The following APBA2 variants were observed in gnomAD, a reference collection of about 807,000 sequenced individuals.
APBA2 encodes the protein amyloid beta precursor protein binding family A member 2.
A neutral mutation model predicts 75.0 loss-of-function variants in APBA2; 30 were observed. The ratio of observed to expected loss-of-function variants is 0.40; its 90% CI spans 0.30 to 0.54. APBA2 has a LOEUF of 0.54. APBA2 is among the 20% of genes least tolerant of loss of function. The pLI is 0.49. For missense variants in APBA2, 801 were observed against 1,016.1 expected (o/e 0.79, Z 2.88); for synonymous variants, 444 against 409.6 (o/e 1.08, Z -1.01).
chr15:28,940,737 G>T (rs1029787864), intron 2 of APBA2, among the ~76,000 whole-genome samples: 2 of 152,164 alleles, frequency 1.3e-5, no homozygotes, highest in Admixed American at 6.5e-5. Context: ...GCTGAAAGAA[G>T]CTGAGACTAC....
At chr15:28,960,349 A>C (rs1020530606) in intron 2 of APBA2, among the ~76,000 whole-genome samples, 1 of 151,654 alleles carries the variant, frequency 6.6e-6, no homozygotes, top group African/African-American at 2.4e-5. Flanking sequence ...CTGTAGTCCC[A>C]GCTACTTAGA....
At chr15:28,986,011 CA>C (rs1256965518) in intron 2 of APBA2, among the ~76,000 whole-genome samples, 1 of 152,184 alleles carries the variant, frequency 6.6e-6, no homozygotes, top group African/African-American at 2.4e-5. Context: ...CCCTGCCTCT[CA>C]GGCACAAGCA....
intron 1 of APBA2, among the ~76,000 whole-genome samples, chr15:28,912,760 A>G (rs1167434323): frequency 6.6e-6 from 1 of 152,224 alleles, no homozygotes; most frequent in African/African-American, 2.4e-5. Context: ...GGAGGACCCT[A>G]ATGTCTCCTG....
Position 29,108,222 on chromosome 15 carries a change from C to T in APBA2, c.1918-48C>T, listed in dbSNP as rs562594055. 1.2e-5 allele frequency: 20 copies of T among 1,612,254 alleles called. No homozygotes were observed. The South Asian group carries it at 1.5e-4, about 12-fold the overall frequency. ...CCAGCCTCGCTCATCCTGGGTCAGG[C>T]TTGATGTCTAAGGCCCAGCCTGTGA... On this transcript the variant is annotated intron_variant, in intron 12 of 14. Coordinates refer to ENST00000683413, the MANE Select transcript of APBA2 (RefSeq NM_001353788.2).
chr15:28,944,265 A>C (rs1250700073), intron 2 of APBA2, among the ~76,000 whole-genome samples: 2 of 152,210 alleles, frequency 1.3e-5, no homozygotes, highest in African/African-American at 4.8e-5. Context: ...CCATGCAGAA[A>C]GGTGTGCAGG....
At chr15:29,018,654 T>C (rs893202316) in intron 3 of APBA2, among the ~76,000 whole-genome samples, 1 of 152,164 alleles carries the variant, frequency 6.6e-6, no homozygotes, top group African/African-American at 2.4e-5. Flanking sequence ...AGGGAAGCTT[T>C]GAGGCCAGGT....
intron 13 of APBA2, among the ~76,000 whole-genome samples, chr15:29,112,343 A>C (rs2044779823): frequency 6.6e-6 from 1 of 152,216 alleles, no homozygotes; most frequent in South Asian, 2.1e-4. Context: ...GCAGGTGGCA[A>C]TGCTTAGCAC....
chr15:29,010,553 C>T (rs546944418), intron 3 of APBA2, among the ~76,000 whole-genome samples: 3 of 152,296 alleles, frequency 2.0e-5, no homozygotes, highest in African/African-American at 4.8e-5. Context: ...CCACCACACC[C>T]GGCCGGGAGT....
chr15:28,970,350 T>A lies in APBA2; in HGVS notation c.-94-25403T>A, dbSNP rs542216273. On this transcript the variant is annotated intron_variant, in intron 2 of 14. Transcript: ENST00000683413. ...ATGATGTAATGTATGATATGTACTA[T>A]ATAATAATTTATAATATATTATAAT... The A allele has an allele frequency of 3.3e-5, 5 of 149,398 alleles. No individual in the cohort carries two copies. In the South Asian group the frequency reaches 1.0e-3, roughly 31 times the overall value. 9.3% of individuals were successfully genotyped at this position (149,398 alleles called of 1,614,324 possible). A position where few individuals can be genotyped will look rare whatever the true frequency, so the allele number is the denominator to read the frequency against.
intron 1 of APBA2, among the ~76,000 whole-genome samples, chr15:28,899,736 G>A (rs1193209254): frequency 6.6e-6 from 1 of 152,196 alleles, no homozygotes; most frequent in Non-Finnish European, 1.5e-5. Flanking sequence ...CGATTCACAG[G>A]GCAAAGGGTG....
At chr15:29,093,486 CAT>C (rs2043688585) in intron 7 of APBA2, among the ~76,000 whole-genome samples, 1 of 152,362 alleles carries the variant, frequency 6.6e-6, no homozygotes, top group African/African-American at 2.4e-5. Flanking sequence ...CGTTCCAAAG[CAT>C]TCTAGTCATC....
At chr15:29,010,412 C>G (rs925099428) in intron 3 of APBA2, among the ~76,000 whole-genome samples, 3 of 152,138 alleles carry the variant, frequency 2.0e-5, no homozygotes, top group African/African-American at 7.2e-5. Flanking sequence ...GCGCCCGCCA[C>G]CAGCCCGGCT....
chr15:28,933,684 T>TCG (rs2034687393), intron 2 of APBA2, among the ~76,000 whole-genome samples: 1 of 152,172 alleles, frequency 6.6e-6, no homozygotes, highest in African/African-American at 2.4e-5. Flanking sequence ...GTTTTATTGG[T>TCG]CCAAAGTCAG....
chr15:28,992,040 G>A (rs2038262419), intron 2 of APBA2, among the ~76,000 whole-genome samples: 1 of 152,180 alleles, frequency 6.6e-6, no homozygotes, highest in Non-Finnish European at 1.5e-5. Flanking sequence ...GATGTTGTGA[G>A]TGTTGCCTTA....
At chr15:28,902,447 C>T (rs2032919252) in intron 1 of APBA2, among the ~76,000 whole-genome samples, 1 of 152,168 alleles carries the variant, frequency 6.6e-6, no homozygotes, top group African/African-American at 2.4e-5. Flanking sequence ...GAGGAGGGCC[C>T]TCTTCCCCTT....
intron 2 of APBA2, among the ~76,000 whole-genome samples, chr15:28,924,189 A>G (rs950886573): frequency 2.7e-5 from 4 of 150,852 alleles, no homozygotes; most frequent in African/African-American, 9.7e-5. Context: ...CTTGTTCTCA[A>G]CCTCAGGAGG....
chr15:28,898,772 T>G (rs1162667189), intron 1 of APBA2, among the ~76,000 whole-genome samples: 5 of 152,238 alleles, frequency 3.3e-5, no homozygotes, highest in African/African-American at 7.2e-5. Context: ...AGTCATGGCT[T>G]CTTCTACTGC....
At chr15:29,030,072 C>T (rs899291555) in intron 3 of APBA2, among the ~76,000 whole-genome samples, 6 of 152,192 alleles carry the variant, frequency 3.9e-5, no homozygotes, top group Admixed American at 3.9e-4. Flanking sequence ...AACTAGGTGC[C>T]TCTGTGGCCT....
rs1368350557 is a variant in APBA2, at chr15:29,054,289, G to C, written c.405G>C (p.Gln135His). ...ACCCTGTGGACACTGATGAGTGCCA[G>C]GAGGCGGTGGAGGAGTGGACGGACT... Reference protein sequence around the residue: ...SAHPVDTDECQEAVEEWTDSA... With the variant: ...SAHPVDTDECHEAVEEWTDSA... Residue 135 changes from glutamine to histidine, a missense_variant, in exon 4 of 15, where the codon CAG becomes CAC. By Grantham distance (24) the Gln-to-His change is conservative (BLOSUM62 0). This residue lies in a region of APBA2 where 434 missense variants were observed against 471.6 expected (regional missense o/e 0.92). Transcript: ENST00000683413. The surrounding 1 kb of genome is among the most constrained non-coding windows in gnomAD (Gnocchi z 6.1). The C allele has an allele frequency of 6.2e-7, 1 of 1,614,150 alleles. No homozygotes were observed. The highest frequency in any genetic ancestry group is 2.2e-5 in the East Asian group (1 of 44,850).
Sources: allele counts gnomAD v4.1 joint callset (sites outside exome capture counted in the v4.1 genomes callset), GRCh38; gene constraint gnomAD v4.1.1; regional missense constraint gnomAD v4.1.1; non-coding constraint Gnocchi (gnomAD v3.1); transcripts MANE v1.5; gene names NCBI Gene and HGNC (gene_info 2026-07-23, HGNC 2026-07-21).